CBLC: variants seen among roughly 807,000 people sequenced by gnomAD.
The protein encoded by CBLC is E3 ubiquitin-protein ligase CBL-C.
Under a neutral mutation model 58.6 loss-of-function variants are expected in CBLC, and 46 were observed. The observed-to-expected ratio is 0.79, with a 90% confidence interval of 0.62 to 1.00. CBLC has a LOEUF of 1.00. CBLC is among the 50% of genes least tolerant of loss of function. The probability of loss-of-function intolerance (pLI) is 0.00; values close to 1 mark genes in which losing one functional copy is unlikely to be tolerated. For synonymous variants in CBLC, 271 were observed against 264.2 expected, an observed-to-expected ratio of 1.03 and a Z score of -0.25; for missense variants, 655 against 625.8, an observed-to-expected ratio of 1.05 and a Z score of -0.50.
chr19:44,781,860 G>A (rs931001735), intron 3 of CBLC, among the ~76,000 whole-genome samples: 7 of 121,394 alleles, frequency 5.8e-5, no homozygotes, highest in African/African-American at 2.4e-4. Flanking sequence ...AGGAGAGGGC[G>A]GGGGGCCTGG....
intron 1 of CBLC, among the ~76,000 whole-genome samples, chr19:44,779,621 G>A (rs181570754): frequency 6.7e-6 from 1 of 149,530 alleles, no homozygotes; most frequent in East Asian, 2.0e-4. Flanking sequence ...GCACCATCAT[G>A]ACTCACTGCA....
intron 5 of CBLC, among the ~76,000 whole-genome samples, chr19:44,787,525 G>A (rs969655238): frequency 6.6e-6 from 1 of 151,462 alleles, no homozygotes. Context: ...CGGGCACCCA[G>A]CAAAGTGCTG....
At chr19:44,788,346 G>A (rs190075225) in intron 5 of CBLC, among the ~76,000 whole-genome samples, 15 of 149,122 alleles carry the variant, frequency 1.0e-4, no homozygotes, top group Admixed American at 3.3e-4. Context: ...GGCTGGTCTC[G>A]AACCCCTGGG....
chr19:44,796,526 A>G (rs1307278231), intron 9 of CBLC, among the ~76,000 whole-genome samples: 1 of 152,028 alleles, frequency 6.6e-6, no homozygotes, highest in Non-Finnish European at 1.5e-5. Context: ...CTGGGATTAC[A>G]GGCAGGTGCC....
chr19:44,786,977 C>T (rs1427141186), intron 5 of CBLC, among the ~76,000 whole-genome samples: 1 of 152,162 alleles, frequency 6.6e-6, no homozygotes, highest in Admixed American at 6.6e-5. Context: ...ATCCCAGCTA[C>T]TCAGGAGGCT....
chr19:44,782,446 A>C lies in CBLC; in HGVS notation c.734A>C (p.Asp245Ala). 1 of 1,613,708 alleles carries C rather than the reference A, an allele frequency of 6.2e-7. No individual in the cohort carries two copies. The highest frequency in any genetic ancestry group is 8.5e-7 in the Non-Finnish European group (1 of 1,179,770). Residue 245 changes from aspartate to alanine, a missense_variant, in exon 4 of 11, where the codon GAT (aspartate) becomes GCT (alanine). Physicochemically the swap from Asp to Ala is moderately radical, Grantham distance 126 (BLOSUM62 -2). Coordinates refer to ENST00000647358, the MANE Select transcript of CBLC (RefSeq NM_012116.4). ...HPGYMAFLTY[D>A]EVQERLQACR... ...GGCTACATGGCCTTCCTCACCTATG[A>C]TGAGGTCCAAGAGCGTCTGCAGGCC... is the stretch of plus-strand genomic sequence containing the variant.
rs144857168 is a variant in CBLC, at chr19:44,780,978, A to T, written c.427A>T (p.Lys143Ter). The T allele has an allele frequency of 6.2e-7, 1 of 1,613,486 alleles. No homozygotes were observed. Among genetic ancestry groups the T allele is most frequent in the Non-Finnish European group, 8.5e-7 (1 of 1,180,006 alleles). Residue 143 changes from lysine to a stop codon, truncating the protein, a stop_gained, in exon 2 of 11, where the codon AAG becomes TAG. Coordinates refer to ENST00000647358, the MANE Select transcript of CBLC (RefSeq NM_012116.4). LOFTEE classifies it high-confidence loss of function. ...GCTGCACGCACTCTTCCCCGGGGGA[A>T]AGTACTGTGGACACATGTACCAGCT... The part of the protein sequence containing the change: ...AELHALFPGG[K>*]YCGHMYQLTK...
At chr19:44,781,130 G>A in intron 2 of CBLC, 77 bp from the exon 3 acceptor site, 1 of 1,574,774 alleles carries the variant, frequency 6.4e-7, no homozygotes, top group Non-Finnish European at 8.6e-7. Context: ...GCCCACAGCT[G>A]CTTCTTTCCT....
chr19:44,788,958 C>G (rs1967978512), intron 5 of CBLC, among the ~76,000 whole-genome samples: 2 of 152,242 alleles, frequency 1.3e-5, no homozygotes. Flanking sequence ...GGTCAGGGAT[C>G]CTGCACTGCT....
chr19:44,796,676 C>T (rs184369859), intron 9 of CBLC, among the ~76,000 whole-genome samples: 22 of 152,216 alleles, frequency 1.4e-4, no homozygotes, highest in African/African-American at 2.2e-4. Context: ...TGAGCCACCG[C>T]GCCCGGCCTA....
intron 9 of CBLC, among the ~76,000 whole-genome samples, chr19:44,795,846 T>G (rs1363768432): frequency 6.6e-6 from 1 of 152,110 alleles, no homozygotes; most frequent in Non-Finnish European, 1.5e-5. Context: ...CACATACACG[T>G]CATAGGTGCT....
intron 6 of CBLC, among the ~76,000 whole-genome samples, chr19:44,791,818 C>A (rs781617397): frequency 6.6e-6 from 1 of 150,512 alleles, no homozygotes; most frequent in Non-Finnish European, 1.5e-5. Flanking sequence ...TCAGTTCTGG[C>A]ACAGAGGTTT....
chr19:44,792,665 G>A (rs1311507437), intron 7 of CBLC, 151 bp downstream of exon 7: 1 of 701,162 alleles, frequency 1.4e-6, no homozygotes, highest in Admixed American at 3.5e-5. Context: ...GAGCCCGGCT[G>A]TCTTTCCCAG....
chr19:44,786,011 G>A (rs1967895589), intron 5 of CBLC, among the ~76,000 whole-genome samples: 1 of 151,928 alleles, frequency 6.6e-6, no homozygotes, highest in Non-Finnish European at 1.5e-5. Context: ...TGTTGCCTAG[G>A]CTGGTCTCGA....
rs201056899 is a variant in CBLC at position 44,781,078 on chromosome 19, C to A, written c.500+27C>A. 2.5e-6 allele frequency: 4 copies of A among 1,603,094 alleles called. No individual in the cohort carries two copies. The East Asian group carries it at 6.7e-5, about 27-fold the overall frequency. On this transcript the variant is annotated intron_variant, in intron 2 of 10. Transcript: ENST00000647358. Reference sequence around the variant, plus strand: ...TGAGTAAGCCCTTGTCCTCAGCTCCCGGAGCCCCATCCTGCCCTGGCCCAG... The same window carrying A: ...TGAGTAAGCCCTTGTCCTCAGCTCCAGGAGCCCCATCCTGCCCTGGCCCAG...
upstream of CBLC, chr19:44,777,878 G>T: frequency 1.4e-6 from 2 of 1,430,408 alleles, no homozygotes; most frequent in South Asian, 1.5e-5. Flanking sequence ...CACTCTGGGC[G>T]AGGCCGCCCC....
rs776338309 is a variant in CBLC, at chr19:44,781,355, C to T, written c.649C>T (p.Leu217Phe). ...SIFEFDVFTRLFQPWPTLLKN... is the reference protein window; with the variant it reads ...SIFEFDVFTRFFQPWPTLLKN... Reference sequence around the variant, plus strand: ...CTTCGAGTTCGACGTCTTCACCAGGCTCTTTCAGGTCAGGGAAGGCCAAGG... The same window carrying T: ...CTTCGAGTTCGACGTCTTCACCAGGTTCTTTCAGGTCAGGGAAGGCCAAGG... Residue 217 changes from leucine (L) to phenylalanine (F), a missense_variant, in exon 3 of 11, where the codon CTC becomes TTC. Physicochemically the swap from Leu to Phe is conservative, Grantham distance 22 (BLOSUM62 0). Transcript: ENST00000647358. 13 of 1,609,124 alleles carry T rather than the reference C, an allele frequency of 8.1e-6. No homozygotes were observed. The highest frequency in any genetic ancestry group is 1.1e-5 in the Non-Finnish European group (13 of 1,179,708).
Position 44,780,895 on chromosome 19 carries a change from A to G in CBLC, c.354-10A>G. ...CCAAGGATAGCCAGAGTCCTTGCCCATCCCCACAGGCGACAGCTGGCCAAG... is the reference window on the plus strand; with the variant it reads ...CCAAGGATAGCCAGAGTCCTTGCCCGTCCCCACAGGCGACAGCTGGCCAAG... On this transcript the variant is annotated splice_polypyrimidine_tract_variant and intron_variant, in intron 1 of 10. Coordinates refer to ENST00000647358, the MANE Select transcript of CBLC (RefSeq NM_012116.4). The G allele has an allele frequency of 6.2e-7, 1 of 1,610,296 alleles. No individual in the cohort carries two copies. The highest frequency in any genetic ancestry group is 8.5e-7 in the Non-Finnish European group (1 of 1,179,660).
chr19:44,787,518 G>C (rs555519702), intron 5 of CBLC, among the ~76,000 whole-genome samples: 2 of 151,222 alleles, frequency 1.3e-5, no homozygotes, highest in Admixed American at 1.3e-4. Flanking sequence ...TTTGCACCGG[G>C]CACCCAGCAA....
Sources: gnomAD v4.1 joint callset for allele counts (sites outside exome capture counted in the v4.1 genomes callset) on GRCh38, gnomAD v4.1.1 for gene constraint, MANE v1.5 for transcripts, NCBI Gene and HGNC (gene_info 2026-07-23, HGNC 2026-07-21) for gene names.